Variants in BYSL observed in about 807,000 individuals in gnomAD.
BYSL encodes bystin.
A neutral mutation model predicts 45.4 loss-of-function variants in BYSL; 21 were observed. The ratio of observed to expected loss-of-function variants is 0.46; its 90% CI spans 0.33 to 0.67. The LOEUF (loss-of-function observed/expected upper bound fraction) is 0.67. BYSL is among the 30% of genes least tolerant of loss of function. The probability of loss-of-function intolerance (pLI) is 0.02; values close to 1 mark genes in which losing one functional copy is unlikely to be tolerated. For missense variants in BYSL, 522 were observed against 578.5 expected (o/e 0.90, Z 1.00); for synonymous variants, 215 against 231.3 (o/e 0.93, Z 0.64).
At chr6:41,920,903 C>T (rs1775446696), upstream of BYSL, 1 of 1,467,220 alleles carries the variant, frequency 6.8e-7, no homozygotes, top group Non-Finnish European at 9.2e-7. Context: ...AACCCGAGGA[C>T]ATCTCCCTCA....
At chr6:41,919,744 A>G (rs1330816013), upstream of BYSL, among the ~76,000 whole-genome samples, 9 of 152,150 alleles carry the variant, frequency 5.9e-5, no homozygotes, top group African/African-American at 2.2e-4. Context: ...TGCATGTACA[A>G]AACAGCAAGA....
intron 1 of BYSL, among the ~76,000 whole-genome samples, chr6:41,924,859 C>A (rs763397306): frequency 1.3e-5 from 2 of 152,118 alleles, no homozygotes; most frequent in Non-Finnish European, 2.9e-5. Flanking sequence ...CTGATCTAGG[C>A]TTAGATGGGG....
At chr6:41,928,978 C>T (rs1476710221) in intron 2 of BYSL, among the ~76,000 whole-genome samples, 5 of 152,222 alleles carry the variant, frequency 3.3e-5, no homozygotes, top group South Asian at 2.1e-4. Context: ...CTGTCACCCA[C>T]GCTGGAGGGC....
rs763354121 is a variant in BYSL at position 41,921,747 on chromosome 6, C to T, written c.185C>T (p.Ala62Val). The change falls in exon 1 of 7, where the codon GCA becomes GTA. Residue 62 changes from alanine to valine, a missense_variant. Transcript: ENST00000230340. Reference protein sequence around the residue: ...PRLSRRILQQARQQQEELEAE... With the variant: ...PRLSRRILQQVRQQQEELEAE... ...CTGAGCCGACGGATTTTGCAGCAAGCACGGCAGCAACAGGAGGAACTCGAG... is the reference window on the plus strand; with the variant it reads ...CTGAGCCGACGGATTTTGCAGCAAGTACGGCAGCAACAGGAGGAACTCGAG... 123 of 1,613,432 alleles carry T rather than the reference C, an allele frequency of 7.6e-5. No individual in the cohort carries two copies. Among genetic ancestry groups the T allele is most frequent in the Middle Eastern group, 1.7e-4 (1 of 6,056 alleles).
At chr6:41,925,056 A>T (rs1278902818) in intron 1 of BYSL, among the ~76,000 whole-genome samples, 1 of 151,948 alleles carries the variant, frequency 6.6e-6, no homozygotes, top group Non-Finnish European at 1.5e-5. Flanking sequence ...AAAGAAAATT[A>T]GTTTAGTTGA....
chr6:41,932,718 A>AGAG lies in BYSL; in HGVS notation c.*13_*14insAGG, dbSNP rs1156568848. The stretch of plus-strand genomic sequence containing the variant: ...TCACCGTGGAGTGAGGAAAACAGTC[A>AGAG]GCTGTCCTGGCCAAAGGGGTTTGGA... On this transcript the variant is annotated 3_prime_UTR_variant, in exon 7 of 7. Transcript: ENST00000230340. This position sits in a 1 kb window ranked among gnomAD's most constrained non-coding sequence, Gnocchi z 4.7. The AGAG allele has an allele frequency of 6.3e-7, 1 of 1,596,994 alleles. No individual in the cohort carries two copies. The highest frequency in any genetic ancestry group is 1.3e-5 in the African/African-American group (1 of 74,664).
intron 2 of BYSL, 176 bp downstream of exon 2, chr6:41,927,712 C>G (rs1582072959): frequency 1.5e-6 from 1 of 684,078 alleles, no homozygotes. Flanking sequence ...TAGGAATGAC[C>G]CAGCCTCAAA....
intron 1 of BYSL, among the ~76,000 whole-genome samples, chr6:41,922,117 C>A (rs1219253366): frequency 1.3e-5 from 2 of 152,140 alleles, no homozygotes; most frequent in African/African-American, 4.8e-5. Context: ...CCACTACGAG[C>A]TTTGCGCTAT....
chr6:41,930,032 G>A (rs1308623981), intron 2 of BYSL, 100 bp from the exon 3 acceptor site: 23 of 1,459,424 alleles, frequency 1.6e-5, no homozygotes, highest in East Asian at 4.6e-5. Flanking sequence ...GCAGTATGGC[G>A]GTGCTCACAG....
intron 1 of BYSL, among the ~76,000 whole-genome samples, chr6:41,925,149 A>C (rs950807751): frequency 6.6e-6 from 1 of 152,188 alleles, no homozygotes; most frequent in Admixed American, 6.5e-5. Context: ...GGCACTAAGG[A>C]GAACCACCTA....
rs770452710 is a variant in BYSL, at chr6:41,932,633, C to G, written c.1241C>G (p.Ser414Trp). The G allele has an allele frequency of 6.2e-7, 1 of 1,614,224 alleles. No homozygotes were observed. Among genetic ancestry groups the G allele is most frequent in the South Asian group, 1.1e-5 (1 of 91,092 alleles). The part of the protein sequence containing the change: ...LLRLQPHPQL[S>W]PEIRRELQSA... Reference sequence around the variant, plus strand: ...CGGCTGCAGCCCCATCCACAGCTATCGCCCGAAATCAGGCGTGAGCTTCAG... The same window carrying G: ...CGGCTGCAGCCCCATCCACAGCTATGGCCCGAAATCAGGCGTGAGCTTCAG... Residue 414 changes from serine to tryptophan, a missense_variant, in exon 7 of 7, where the codon TCG becomes TGG. Ser to Trp is a radical substitution (Grantham distance 177). Coordinates refer to ENST00000230340, the MANE Select transcript of BYSL (RefSeq NM_004053.4). The surrounding 1 kb of genome is among the most constrained non-coding windows in gnomAD (Gnocchi z 4.7).
In BYSL at chr6:41,921,542, C is replaced by G. The variant is rs61737728; in HGVS notation, c.-21C>G. The G allele has an allele frequency of 2.2e-5, 34 of 1,551,734 alleles. No homozygotes were observed. In the African/African-American group the frequency reaches 4.5e-4, roughly 21 times the overall value. ...CTTCAGTCCCCACGTGCGATCCTTC[C>G]CGGCAACTTTTTCGAGAAAAATGCC... On this transcript the variant is annotated 5_prime_UTR_variant, in exon 1 of 7. Transcript: ENST00000230340.
upstream of BYSL, chr6:41,921,146 A>G: frequency 7.9e-7 from 1 of 1,272,716 alleles, no homozygotes; most frequent in Non-Finnish European, 1.1e-6. Context: ...ATACGTAAAA[A>G]CAGAGCGCCG....
rs1175574177 is a variant in BYSL, at chr6:41,932,736, G to T, written c.*30G>T. On this transcript the variant is annotated 3_prime_UTR_variant, in exon 7 of 7. Transcript: ENST00000230340. This position sits in a 1 kb window ranked among gnomAD's most constrained non-coding sequence, Gnocchi z 4.7. ...AACAGTCAGCTGTCCTGGCCAAAGG[G>T]GTTTGGAAGGACACCAAGACCCCCG... 6.4e-7 allele frequency: 1 copy of T among 1,572,058 alleles called. No homozygotes were observed. The highest frequency in any genetic ancestry group is 8.6e-7 in the Non-Finnish European group (1 of 1,156,186).
intron 1 of BYSL, among the ~76,000 whole-genome samples, chr6:41,924,525 G>A (rs1257279070): frequency 6.6e-6 from 1 of 152,194 alleles, no homozygotes. Context: ...TTTGGTTTCG[G>A]TTGTTCGTGG....
intron 3 of BYSL, 34 bp from the exon 4 acceptor site, chr6:41,930,601 A>G (rs1392856228): frequency 1.3e-6 from 2 of 1,585,742 alleles, no homozygotes; most frequent in Non-Finnish European, 1.7e-6. Context: ...CCATATGTGG[A>G]TGACGATGAT....
upstream of BYSL, among the ~76,000 whole-genome samples, chr6:41,916,518 T>C (rs1453060408): frequency 6.6e-6 from 1 of 151,184 alleles, no homozygotes; most frequent in Non-Finnish European, 1.5e-5. Flanking sequence ...AGGTGGAGGT[T>C]GCAGTGAGCT....
intron 2 of BYSL, among the ~76,000 whole-genome samples, chr6:41,928,774 C>G (rs903024208): frequency 1.3e-5 from 2 of 152,198 alleles, no homozygotes; most frequent in Non-Finnish European, 2.9e-5. Flanking sequence ...CTTACCCCCA[C>G]CTGACAGCTG....
intron 4 of BYSL, among the ~76,000 whole-genome samples, chr6:41,931,126 A>AAT (rs746740391): frequency 0.27 from 41,354 of 151,054 alleles, 5,985 homozygotes; most frequent in African/African-American, 0.35. Flanking sequence ...GGGCTACTCA[A>AAT]CTGATGCTGA....
Sources: gnomAD v4.1 joint callset for allele counts (sites outside exome capture counted in the v4.1 genomes callset) on GRCh38, gnomAD v4.1.1 for gene constraint, Gnocchi (gnomAD v3.1) non-coding constraint, MANE v1.5 for transcripts, NCBI Gene and HGNC (gene_info 2026-07-23, HGNC 2026-07-21) for gene names.